TRIO: variants seen among roughly 807,000 people sequenced by gnomAD.
TRIO encodes triple functional domain protein.
Under a neutral mutation model 351.9 loss-of-function variants are expected in TRIO, and 58 were observed. The observed-to-expected ratio is 0.16, with a 90% CI of 0.13 to 0.21. The LOEUF (loss-of-function observed/expected upper bound fraction) is 0.21, where lower values mean the gene tolerates loss of function less well. TRIO is among the 10% of genes least tolerant of loss of function. The pLI, the probability that TRIO is intolerant of heterozygous loss-of-function variation, is 1.00. For synonymous variants in TRIO, 1,758 were observed against 1,595.7 expected, an observed-to-expected ratio of 1.10 and a Z score of -2.42; for missense variants, 3,201 against 4,027.8, an observed-to-expected ratio of 0.79 and a Z score of 5.56.
chr5:14,370,126 T>TTC (rs1554065000), intron 18 of TRIO, among the ~76,000 whole-genome samples: 1 of 151,054 alleles, frequency 6.6e-6, no homozygotes, highest in African/African-American at 2.4e-5. Context: ...TTTCTTTCTT[T>TTC]TTTTTTTTTT....
chr5:14,330,630 C>T lies in TRIO; in HGVS notation c.1732-148C>T. 4.4e-6 allele frequency: 4 copies of T among 909,484 alleles called. No individual in the cohort carries two copies. In the South Asian group the frequency reaches 7.5e-5, roughly 17 times the overall value. 56.3% of individuals were successfully genotyped at this position (909,484 alleles called of 1,614,324 possible). A position where few individuals can be genotyped will look rare whatever the true frequency, so the allele number is the denominator to read the frequency against. On this transcript the variant is annotated intron_variant, in intron 9 of 56. Transcript: ENST00000344204. The stretch of plus-strand genomic sequence containing the variant: ...ATTATCGAGTGTGTTAAATTAGTAT[C>T]CAATTACTTCTTCCCATTTTTTTTT...
chr5:14,301,641 C>A (rs1427968394), intron 7 of TRIO, among the ~76,000 whole-genome samples: 1 of 152,134 alleles, frequency 6.6e-6, no homozygotes, highest in African/African-American at 2.4e-5. Flanking sequence ...ATATCATTGT[C>A]ATATTAGAAG....
At chr5:14,262,526 T>A (rs1488008998) in intron 1 of TRIO, among the ~76,000 whole-genome samples, 1 of 152,004 alleles carries the variant, frequency 6.6e-6, no homozygotes, top group Non-Finnish European at 1.5e-5. Context: ...AGTAAAATGA[T>A]GAGATATTTG....
chr5:14,362,325 A>G (rs1380107969), intron 13 of TRIO, among the ~76,000 whole-genome samples: 1 of 152,186 alleles, frequency 6.6e-6, no homozygotes, highest in Non-Finnish European at 1.5e-5. Flanking sequence ...ATTTTCTTAC[A>G]TCCCCTCAAT....
At chr5:14,416,517 T>C (rs1445871844) in intron 33 of TRIO, among the ~76,000 whole-genome samples, 1 of 152,148 alleles carries the variant, frequency 6.6e-6, no homozygotes, top group Non-Finnish European at 1.5e-5. Context: ...CCCTTTGAAA[T>C]ATTCTGTTGT....
rs1579873440 is a variant in TRIO, at chr5:14,509,556, T to A, written c.*1134T>A. 1 of 327,508 alleles carries A rather than the reference T, an allele frequency of 3.1e-6. No individual in the cohort carries two copies. Among genetic ancestry groups the A allele is most frequent in the African/African-American group, 2.3e-5 (1 of 44,408 alleles). The allele number at this position is 327,508 out of a possible 1,614,324, so 20.3% of individuals were successfully genotyped here. A position where few individuals can be genotyped will look rare whatever the true frequency, so the allele number is the denominator to read the frequency against. ...AAATTTATTATGCTATTATTCAGAA[T>A]GCCAAAGTATTATTTTTTTTCCCAA... On this transcript the variant is annotated 3_prime_UTR_variant, in exon 57 of 57. Coordinates refer to ENST00000344204, the MANE Select transcript of TRIO (RefSeq NM_007118.4).
intron 37 of TRIO, 36 bp from the exon 38 acceptor site, chr5:14,471,282 G>A: frequency 6.2e-7 from 1 of 1,604,994 alleles, no homozygotes; most frequent in East Asian, 2.2e-5. Flanking sequence ...TGGGCTGTGG[G>A]CAGTAAGTGT....
At chr5:14,336,132 C>T (rs1403852047) in intron 10 of TRIO, among the ~76,000 whole-genome samples, 7 of 152,150 alleles carry the variant, frequency 4.6e-5, no homozygotes, top group Non-Finnish European at 7.3e-5. Context: ...AGCATTGTAT[C>T]ATACGGAAAG....
intron 1 of TRIO, among the ~76,000 whole-genome samples, chr5:14,246,198 G>C (rs917681969): frequency 6.6e-6 from 1 of 152,114 alleles, no homozygotes; most frequent in Non-Finnish European, 1.5e-5. Context: ...GCCTTTTAAA[G>C]ATAGAAAATA....
chr5:14,278,023 A>T (rs1735693006), intron 2 of TRIO, among the ~76,000 whole-genome samples: 2 of 152,242 alleles, frequency 1.3e-5, no homozygotes, highest in Admixed American at 1.3e-4. Flanking sequence ...TTTCTAGGAA[A>T]AGGAAAAGTG....
chr5:14,211,824 A>G (rs1428079947), intron 1 of TRIO, among the ~76,000 whole-genome samples: 1 of 152,112 alleles, frequency 6.6e-6, no homozygotes, highest in Non-Finnish European at 1.5e-5. Flanking sequence ...AAAGTAAATT[A>G]GTGGGGACAG....
At chr5:14,368,634 G>C in intron 16 of TRIO, 74 bp from the exon 17 acceptor site, 1 of 1,487,932 alleles carries the variant, frequency 6.7e-7, no homozygotes. Flanking sequence ...CAGAGTAACT[G>C]TAGCCATCCT....
At chr5:14,151,343 G>A (rs1387805929) in intron 1 of TRIO, among the ~76,000 whole-genome samples, 3 of 151,384 alleles carry the variant, frequency 2.0e-5, no homozygotes, top group Non-Finnish European at 4.4e-5. Context: ...TTTTTAAATG[G>A]GGTTTGTTGG....
Position 14,419,893 on chromosome 5 carries a change from A to G in TRIO, c.5075A>G (p.Lys1692Arg). Residue 1692 changes from lysine (K) to arginine (R), a missense_variant, in exon 34 of 57, where the codon AAG (lysine) becomes AGG (arginine). This residue lies in a region of TRIO where 193 missense variants were observed against 218.8 expected (regional missense o/e 0.88). Coordinates refer to ENST00000344204, the MANE Select transcript of TRIO (RefSeq NM_007118.4). ...GAAGTTCTGGAGCGGCCGCATGACA[A>G]GCCTGACTGGTGTCTGGTGCGGACA... ...TVEVLERPHD[K>R]PDWCLVRTTD... is the part of the protein sequence containing the mutation. The G allele has an allele frequency of 6.2e-7, 1 of 1,614,192 alleles. No individual in the cohort carries two copies. The highest frequency in any genetic ancestry group is 1.6e-4 in the Middle Eastern group (1 of 6,062).
chr5:14,491,450 C>T (rs1756476359), intron 48 of TRIO, among the ~76,000 whole-genome samples: 1 of 152,194 alleles, frequency 6.6e-6, no homozygotes, highest in Non-Finnish European at 1.5e-5. Flanking sequence ...GAACGAGGCA[C>T]CAGATGCCGT....
chr5:14,485,370 C>T, intron 47 of TRIO, 124 bp downstream of exon 47: 3 of 1,006,722 alleles, frequency 3.0e-6, no homozygotes, highest in Non-Finnish European at 4.1e-6. Flanking sequence ...TCTTCAGGCA[C>T]TGCCTAGATA....
intron 1 of TRIO, among the ~76,000 whole-genome samples, chr5:14,186,007 A>T (rs1364589607): frequency 6.6e-6 from 1 of 152,212 alleles, no homozygotes; most frequent in East Asian, 1.9e-4. Flanking sequence ...GCAGCTGGGG[A>T]CCAGAGTGTT....
intron 9 of TRIO, among the ~76,000 whole-genome samples, chr5:14,325,181 A>T (rs1364074617): frequency 2.6e-5 from 4 of 152,182 alleles, no homozygotes; most frequent in Non-Finnish European, 4.4e-5. Flanking sequence ...TTCACATCGT[A>T]TGTTGTTGTG....
chr5:14,451,578 A>G lies in TRIO; in HGVS notation c.5204-9441A>G, dbSNP rs551824421. ...ATAAAAATGTGATTTATTGCATCAAATTCTTGACAAGACAGAAGTTTGAGA... is the reference window on the plus strand; with the variant it reads ...ATAAAAATGTGATTTATTGCATCAAGTTCTTGACAAGACAGAAGTTTGAGA... On this transcript the variant is annotated intron_variant, in intron 34 of 56. Transcript: ENST00000344204. Among the ~76,000 whole-genome samples, 2 of 152,384 alleles carry G rather than the reference A, an allele frequency of 1.3e-5. 1 individual carries two copies. Among genetic ancestry groups the G allele is most frequent in the South Asian group, 4.1e-4 (2 of 4,830 alleles).
Sources: allele counts gnomAD v4.1 joint callset (sites outside exome capture counted in the v4.1 genomes callset), GRCh38; gene constraint gnomAD v4.1.1; regional missense constraint gnomAD v4.1.1; transcripts MANE v1.5; gene names NCBI Gene and HGNC (gene_info 2026-07-23, HGNC 2026-07-21).